Variants in MYO1D observed in about 807,000 individuals in gnomAD.
MYO1D encodes myosin ID.
MYO1D carries 83 observed loss-of-function variants against 122.0 expected under a neutral mutation model. The observed-to-expected ratio is 0.68, with a 90% CI of 0.57 to 0.82. The LOEUF is 0.82. Ranked by LOEUF, MYO1D falls within the 40% of genes least tolerant of loss-of-function variation. The pLI, the probability that MYO1D is intolerant of heterozygous loss-of-function variation, is 0.00. For synonymous variants in MYO1D, 464 were observed against 446.9 expected, an observed-to-expected ratio of 1.04 and a Z score of -0.48; for missense variants, 1,157 against 1,269.5, an observed-to-expected ratio of 0.91 and a Z score of 1.35.
intron 16 of MYO1D, among the ~76,000 whole-genome samples, chr17:32,683,469 G>T (rs1361406238): frequency 6.6e-6 from 1 of 152,166 alleles, no homozygotes; most frequent in East Asian, 1.9e-4. Flanking sequence ...CCTTCTAACA[G>T]ACAGGACCCT....
intron 17 of MYO1D, among the ~76,000 whole-genome samples, chr17:32,658,015 G>A (rs572711626): frequency 6.6e-6 from 1 of 152,228 alleles, no homozygotes; most frequent in East Asian, 1.9e-4. Context: ...AATCATATGT[G>A]ACTACGTAAA....
At chr17:32,822,784 G>A (rs367661497) in intron 1 of MYO1D, among the ~76,000 whole-genome samples, 2 of 151,544 alleles carry the variant, frequency 1.3e-5, no homozygotes, top group Non-Finnish European at 2.9e-5. Flanking sequence ...GCACCCGGCC[G>A]ACCTCCGCTC....
intron 1 of MYO1D, among the ~76,000 whole-genome samples, chr17:32,812,901 TC>T (rs2090584209): frequency 6.6e-6 from 1 of 152,218 alleles, no homozygotes; most frequent in Admixed American, 6.5e-5. Flanking sequence ...GCCATTTAAT[TC>T]TCACAATCAC....
At chr17:32,600,364 C>G (rs921891341) in intron 21 of MYO1D, among the ~76,000 whole-genome samples, 1 of 152,182 alleles carries the variant, frequency 6.6e-6, no homozygotes, top group Non-Finnish European at 1.5e-5. Flanking sequence ...AGCCTGTCCT[C>G]TGAAGCTAGG....
chr17:32,536,320 C>G (rs559374550), intron 21 of MYO1D, among the ~76,000 whole-genome samples: 2 of 151,720 alleles, frequency 1.3e-5, no homozygotes, highest in African/African-American at 4.8e-5. Flanking sequence ...CAGGCATGAG[C>G]CACTGTGCCT....
At chr17:32,565,681 G>A (rs1214685020) in intron 21 of MYO1D, among the ~76,000 whole-genome samples, 1 of 152,100 alleles carries the variant, frequency 6.6e-6, no homozygotes, top group South Asian at 2.1e-4. Flanking sequence ...CATCTGAACA[G>A]GAAGTCCAGA....
intron 21 of MYO1D, among the ~76,000 whole-genome samples, chr17:32,582,560 T>G (rs1420426271): frequency 6.6e-6 from 1 of 152,198 alleles, no homozygotes; most frequent in Non-Finnish European, 1.5e-5. Flanking sequence ...AACTGTGACA[T>G]GACCCAGAAT....
In MYO1D at chr17:32,689,500, G is replaced by A. The variant is rs563041809; in HGVS notation, c.2121+22488C>T. ...ATAAAAATAGTCCTAATTTTCCTTA[G>A]TTACGAATGATGCCCGCCTAGCCAC... On this transcript the variant is annotated intron_variant, in intron 16 of 21. Transcript: ENST00000318217. Among the ~76,000 whole-genome samples, 19 of 152,254 alleles carry A rather than the reference G, an allele frequency of 1.2e-4. No individual in the cohort carries two copies. In the South Asian group the frequency reaches 2.1e-3, roughly 17 times the overall value.
intron 16 of MYO1D, among the ~76,000 whole-genome samples, chr17:32,702,579 C>T: frequency 6.6e-6 from 1 of 152,058 alleles, no homozygotes; most frequent in Non-Finnish European, 1.5e-5. Context: ...CCCTCCTCGC[C>T]CCCCAGTGCT....
At chr17:32,762,171 G>T (rs1461154190) in intron 8 of MYO1D, among the ~76,000 whole-genome samples, 1 of 151,916 alleles carries the variant, frequency 6.6e-6, no homozygotes, top group Non-Finnish European at 1.5e-5. Flanking sequence ...GAGGAGAGAA[G>T]AGCAGTCCAA....
chr17:32,586,186 A>G (rs997949393), intron 21 of MYO1D, among the ~76,000 whole-genome samples: 2 of 152,178 alleles, frequency 1.3e-5, no homozygotes, highest in Non-Finnish European at 2.9e-5. Context: ...TCGTTTTCTG[A>G]GCCTTTGTCC....
At chr17:32,542,483 A>G (rs1384435559) in intron 21 of MYO1D, among the ~76,000 whole-genome samples, 1 of 152,076 alleles carries the variant, frequency 6.6e-6, no homozygotes, top group African/African-American at 2.4e-5. Context: ...CAGTTTATTA[A>G]CACTTTATTG....
intron 21 of MYO1D, among the ~76,000 whole-genome samples, chr17:32,534,062 G>A (rs955442681): frequency 2.0e-5 from 3 of 151,982 alleles, no homozygotes; most frequent in African/African-American, 4.8e-5. Context: ...ATTTCTGCAC[G>A]GCAAAATTAT....
chr17:32,735,264 C>T (rs2089688352), intron 14 of MYO1D, among the ~76,000 whole-genome samples: 1 of 152,188 alleles, frequency 6.6e-6, no homozygotes, highest in Admixed American at 6.5e-5. Context: ...ATCTTGCTCA[C>T]TGCTATCTCC....
At chr17:32,611,850 G>T (rs1297368516) in intron 20 of MYO1D, among the ~76,000 whole-genome samples, 1 of 152,154 alleles carries the variant, frequency 6.6e-6, no homozygotes, top group Non-Finnish European at 1.5e-5. Context: ...AAAACAAAAA[G>T]AAAACTCTAT....
Position 32,512,303 on chromosome 17 carries a change from T to TA in MYO1D, c.2865-17389dup, listed in dbSNP as rs370039550. ...CGACAAGAGTGAAACTCTTATCTCA[T>TA]AAAAAAAAAAAAAAGAGCCATCATG... On this transcript the variant is annotated intron_variant, in intron 21 of 21. Transcript: ENST00000318217. Among the ~76,000 whole-genome samples the TA allele has an allele frequency of 8.1e-3, 964 of 118,372 alleles. 4 individuals are homozygous for TA. The highest frequency in any genetic ancestry group is 0.023 in the Middle Eastern group (5 of 222). The allele number at this position is 118,372 out of a possible 152,430, so 77.7% of individuals were successfully genotyped here. A position where few individuals can be genotyped will look rare whatever the true frequency, so the allele number is the denominator to read the frequency against.
At chr17:32,784,028 C>A (rs1166283881) in intron 1 of MYO1D, among the ~76,000 whole-genome samples, 3 of 152,098 alleles carry the variant, frequency 2.0e-5, no homozygotes, top group African/African-American at 7.2e-5. Flanking sequence ...TAAATAACAA[C>A]AATATAGTAT....
In MYO1D at chr17:32,771,131, T is replaced by C. The variant is rs746758480; in HGVS notation, c.708A>G (p.Gln236=). ...TCAAAGAGGAAATTCTCACCTTTAA[T>C]TGAGCTCCCACATGAATATAGTTGT... ...SSYNYIHVGA[Q]LKSSINDAAE... The change falls in exon 6 of 22, where the codon CAA becomes CAG. Residue 236 remains glutamine (Q), a synonymous_variant. Transcript: ENST00000318217. 3.8e-6 allele frequency: 6 copies of C among 1,596,956 alleles called. No homozygotes were observed. Among genetic ancestry groups the C allele is most frequent in the East Asian group, 2.2e-5 (1 of 44,710 alleles).
intron 21 of MYO1D, among the ~76,000 whole-genome samples, chr17:32,511,746 G>T (rs866833799): frequency 2.6e-5 from 4 of 151,972 alleles, no homozygotes; most frequent in Admixed American, 6.5e-5. Context: ...CATTAATGAA[G>T]GTGCTAAATA....
Sources: allele counts gnomAD v4.1 joint callset (sites outside exome capture counted in the v4.1 genomes callset), GRCh38; gene constraint gnomAD v4.1.1; transcripts MANE v1.5; gene names NCBI Gene and HGNC (gene_info 2026-07-23, HGNC 2026-07-21).